VAMP7: variants seen among roughly 807,000 people sequenced by gnomAD.
The protein encoded by VAMP7 is vesicle-associated membrane protein 7.
VAMP7 carries 14 observed loss-of-function variants against 29.6 expected under a neutral mutation model. The observed-to-expected ratio is 0.47, with a 90% CI of 0.31 to 0.74. The LOEUF is 0.74. Ranked by LOEUF, VAMP7 falls within the 30% of genes least tolerant of loss-of-function variation. VAMP7 has a pLI of 0.05. For missense variants in VAMP7, 223 were observed against 262.4 expected (o/e 0.85, Z 1.04); for synonymous variants, 95 against 88.1 (o/e 1.08, Z -0.44).
rs776616389 is a variant in VAMP7, at chrX:155,898,169, A to G, written c.262A>G (p.Thr88Ala). ...GAATGAGATAAAGAAGAGGTTCCAGACTACTTACGGTTCAAGAGCACAGAC... is the reference window on the plus strand; with the variant it reads ...GAATGAGATAAAGAAGAGGTTCCAGGCTACTTACGGTTCAAGAGCACAGAC... ...FLNEIKKRFQ[T>A]TYGSRAQTAL... The change falls in exon 4 of 8, where the codon ACT becomes GCT. Residue 88 changes from threonine (T) to alanine (A), a missense_variant. By Grantham distance (58) the Thr-to-Ala change is moderately conservative. Coordinates refer to ENST00000286448, the MANE Select transcript of VAMP7 (RefSeq NM_005638.6). 3.7e-6 allele frequency: 6 copies of G among 1,613,528 alleles called. No individual in the cohort carries two copies. Among genetic ancestry groups the G allele is most frequent in the Non-Finnish European group, 5.1e-6 (6 of 1,179,668 alleles).
intron 5 of VAMP7, among the ~76,000 whole-genome samples, chrX:155,917,205 A>G (rs2066325748): frequency 6.6e-6 from 1 of 152,060 alleles, no homozygotes; most frequent in Middle Eastern, 3.2e-3. Flanking sequence ...TTTCAGTCCC[A>G]TCAGGTCATT....
chrX:155,916,706 G>A (rs777442706), intron 5 of VAMP7, among the ~76,000 whole-genome samples: 1 of 152,214 alleles, frequency 6.6e-6, no homozygotes, highest in Admixed American at 6.5e-5. Flanking sequence ...TGGCTTGTAG[G>A]GTTTCTGTCG....
chrX:155,895,727 A>C (rs1305104130), intron 3 of VAMP7, 47 bp downstream of exon 3: 3 of 1,536,604 alleles, frequency 2.0e-6, no homozygotes, highest in Non-Finnish European at 2.7e-6. Flanking sequence ...TGTACTGTTA[A>C]TACAGCCAGT....
At chrX:155,930,287 G>A (rs1299555639) in intron 6 of VAMP7, among the ~76,000 whole-genome samples, 1 of 152,096 alleles carries the variant, frequency 6.6e-6, no homozygotes, top group African/African-American at 2.4e-5. Flanking sequence ...TTTTTCTGGA[G>A]TGTCTTTTCC....
intron 6 of VAMP7, among the ~76,000 whole-genome samples, chrX:155,923,207 A>T (rs2066419891): frequency 6.6e-6 from 1 of 151,946 alleles, no homozygotes; most frequent in Admixed American, 6.6e-5. Context: ...TTTTAAAGAG[A>T]TTTAAATAAT....
chrX:155,911,023 C>T (rs2066230003), intron 5 of VAMP7, among the ~76,000 whole-genome samples: 1 of 152,032 alleles, frequency 6.6e-6, no homozygotes, highest in Admixed American at 6.6e-5. Flanking sequence ...GAGCAGTGTT[C>T]TGAAGTGTTT....
At chrX:155,914,625 G>A (rs1040333944) in intron 5 of VAMP7, among the ~76,000 whole-genome samples, 2 of 152,098 alleles carry the variant, frequency 1.3e-5, no homozygotes, top group African/African-American at 4.8e-5. Context: ...ATAATCATGT[G>A]GTTTTTGTCA....
intron 5 of VAMP7, among the ~76,000 whole-genome samples, chrX:155,904,135 C>CA: frequency 7.1e-6 from 1 of 141,468 alleles, no homozygotes; most frequent in East Asian, 2.1e-4. Flanking sequence ...TGTTCTCACT[C>CA]ATAGGTGAGA....
rs1473766360 is a variant in VAMP7, at chrX:155,889,330, T to G, written c.-9-128T>G. On this transcript the variant is annotated intron_variant, in intron 1 of 7. Transcript: ENST00000286448. ...TTAAGCCTGCTCTTAAGTCTGTTGT[T>G]AAGTTTCATGTTATAGTGCCTCGTT... 3.8e-6 allele frequency: 5 copies of G among 1,326,482 alleles called. No homozygotes were observed. In the South Asian group the frequency reaches 6.3e-5, roughly 17 times the overall value. 82.2% of individuals were successfully genotyped at this position (1,326,482 alleles called of 1,614,324 possible). A position where few individuals can be genotyped will look rare whatever the true frequency, so the allele number is the denominator to read the frequency against.
chrX:155,887,788 G>A (rs1206101642), intron 1 of VAMP7, among the ~76,000 whole-genome samples: 4 of 151,728 alleles, frequency 2.6e-5, no homozygotes, highest in South Asian at 2.1e-4. Flanking sequence ...AAAAATAGCC[G>A]GACATGGTGG....
rs1281907103 is a variant in VAMP7 at position 155,943,507 on chromosome X, C to G, written c.*1556C>G. 1.3e-5 allele frequency: 2 copies of G among 152,404 alleles called. No individual in the cohort carries two copies. Among genetic ancestry groups the G allele is most frequent in the African/African-American group, 4.8e-5 (2 of 41,380 alleles). The allele number at this position is 152,404 out of a possible 1,614,324, so 9.4% of individuals were successfully genotyped here. A position where few individuals can be genotyped will look rare whatever the true frequency, so the allele number is the denominator to read the frequency against. On this transcript the variant is annotated 3_prime_UTR_variant, in exon 8 of 8. Coordinates refer to ENST00000286448, the MANE Select transcript of VAMP7 (RefSeq NM_005638.6). The stretch of plus-strand genomic sequence containing the variant: ...ATGCCTCTTAATTGCATCAGTATTT[C>G]CTATTGGAAAATACATCTGTTCCAG...
chrX:155,925,440 G>A (rs748131343), intron 6 of VAMP7, among the ~76,000 whole-genome samples: 2 of 152,184 alleles, frequency 1.3e-5, no homozygotes, highest in South Asian at 2.1e-4. Context: ...TCTGAGACAG[G>A]TCTCAGTTGA....
chrX:155,907,310 G>A lies in VAMP7; in HGVS notation c.433+6723G>A, dbSNP rs1312314525. On this transcript the variant is annotated intron_variant, in intron 5 of 7. Coordinates refer to ENST00000286448, the MANE Select transcript of VAMP7 (RefSeq NM_005638.6). ...TTTTTTTTATTGATCATTCTTGGGT[G>A]TTTCTCACAGACGGGGATTTGGCAG... Among the ~76,000 whole-genome samples, 3 of 151,884 alleles carry A rather than the reference G, an allele frequency of 2.0e-5. No individual in the cohort carries two copies. The East Asian group carries it at 5.8e-4, about 29-fold the overall frequency.
At chrX:155,941,836 A>C in intron 7 of VAMP7, 47 bp from the exon 8 acceptor site, 1 of 1,588,394 alleles carries the variant, frequency 6.3e-7, no homozygotes. Flanking sequence ...TATTTAGAAT[A>C]ATATGATTGA....
At chrX:155,912,543 A>G (rs1275528652) in intron 5 of VAMP7, among the ~76,000 whole-genome samples, 5 of 148,722 alleles carry the variant, frequency 3.4e-5, no homozygotes, top group East Asian at 2.0e-4. Context: ...CCAGTGTGTG[A>G]TGTTCCCCTC....
intron 5 of VAMP7, among the ~76,000 whole-genome samples, chrX:155,904,319 C>T (rs1207367874): frequency 2.0e-5 from 3 of 151,512 alleles, no homozygotes; most frequent in Non-Finnish European, 4.4e-5. Context: ...CAAACCTGCA[C>T]ATTGTGCACA....
chrX:155,936,713 C>A lies in VAMP7; in HGVS notation c.502-2988C>A, dbSNP rs960581027. ...TGGGCTGCACCCACTGTCCAACAAG[C>A]CCCAGTGAGATGAAGCCGGTATCTC... On this transcript the variant is annotated intron_variant, in intron 6 of 7. Transcript: ENST00000286448. 5.4e-4 allele frequency among the ~76,000 whole-genome samples: 82 copies of A among 152,182 alleles called. 1 individual carries two copies. The highest frequency in any genetic ancestry group is 1.5e-4 in the Non-Finnish European group (10 of 68,038).
chrX:155,935,106 C>T (rs953890911), intron 6 of VAMP7, among the ~76,000 whole-genome samples: 1 of 152,090 alleles, frequency 6.6e-6, no homozygotes, highest in Non-Finnish European at 1.5e-5. Flanking sequence ...GTGGGTAACC[C>T]GACCTTTCTC....
At chrX:155,888,490 A>G (rs1367951163) in intron 1 of VAMP7, among the ~76,000 whole-genome samples, 1 of 152,224 alleles carries the variant, frequency 6.6e-6, no homozygotes, top group African/African-American at 2.4e-5. Flanking sequence ...ATGTTAACAA[A>G]TAAGAGTAGG....
Sources: gnomAD v4.1 joint callset for allele counts (sites outside exome capture counted in the v4.1 genomes callset) on GRCh38, gnomAD v4.1.1 for gene constraint, MANE v1.5 for transcripts, NCBI Gene and HGNC (gene_info 2026-07-23, HGNC 2026-07-21) for gene names.